Variants in ELMO2 observed in about 807,000 individuals in gnomAD.
The protein encoded by ELMO2 is engulfment and cell motility 2, also known as engulfment and cell motility protein 2.
Under a neutral mutation model 96.2 loss-of-function variants are expected in ELMO2, and 37 were observed. The ratio of observed to expected loss-of-function variants is 0.38; its 90% CI spans 0.30 to 0.51. ELMO2 has a LOEUF of 0.51. ELMO2 is among the 20% of genes least tolerant of loss of function. The pLI is 0.88. For synonymous variants in ELMO2, 315 were observed against 329.4 expected (o/e 0.96, Z 0.47); for missense variants, 561 against 912.6 (o/e 0.61, Z 4.96).
At chr20:46,393,504 T>C (rs748505494) in intron 5 of ELMO2, 25 bp downstream of exon 5, 10 of 1,610,400 alleles carry the variant, frequency 6.2e-6, no homozygotes, top group Non-Finnish European at 8.5e-6. Context: ...AGGCCCATAT[T>C]GATTTTGCCT....
intron 11 of ELMO2, chr20:46,376,628 A>G: frequency 1.6e-6 from 2 of 1,289,104 alleles, no homozygotes; most frequent in Non-Finnish European, 2.0e-6. Flanking sequence ...GTCTCTCACC[A>G]TCCTGTCCTC....
rs752942852 is a variant in ELMO2 at position 46,383,461 on chromosome 20, T to A, written c.711A>T (p.Ala237=). The A allele has an allele frequency of 3.1e-6, 5 of 1,614,108 alleles. No homozygotes were observed. Among genetic ancestry groups the A allele is most frequent in the Non-Finnish European group, 4.2e-6 (5 of 1,179,998 alleles). Residue 237 remains alanine, a synonymous_variant, in exon 10 of 22, where the codon GCA becomes GCT. Transcript: ENST00000290246. The part of the protein sequence containing the change: ...SNQEIQTYAI[A]LINALFLKAP... ...CCTTCAGAAAAAGTGCATTAATCAG[T>A]GCAATGGCGTAGGTCTGAATCTCCT...
intron 11 of ELMO2, among the ~76,000 whole-genome samples, chr20:46,378,266 T>C (rs911216345): frequency 6.6e-6 from 1 of 152,146 alleles, no homozygotes; most frequent in Admixed American, 6.5e-5. Context: ...CTTGACTCAG[T>C]GAAATCCCTG....
chr20:46,372,978 A>G (rs1027401486), intron 16 of ELMO2: 2 of 160,304 alleles, frequency 1.2e-5, no homozygotes, highest in African/African-American at 4.8e-5. Flanking sequence ...GAGGACTGAA[A>G]GCACCGAGGG....
chr20:46,405,067 T>C (rs1211676920), intron 1 of ELMO2, among the ~76,000 whole-genome samples: 1 of 152,212 alleles, frequency 6.6e-6, no homozygotes, highest in Non-Finnish European at 1.5e-5. Flanking sequence ...AATATTTATA[T>C]TGCCTGGCCC....
chr20:46,404,788 A>C (rs978092132), intron 1 of ELMO2, among the ~76,000 whole-genome samples: 1 of 152,258 alleles, frequency 6.6e-6, no homozygotes, highest in Non-Finnish European at 1.5e-5. Flanking sequence ...ATGTTATAAT[A>C]ATATAATTTT....
chr20:46,371,137 C>G lies in ELMO2; in HGVS notation c.1801+215G>C, dbSNP rs1207913111. ...CGACTTAGTCATGTACCACCCTTTA[C>G]AGTCTACACAATACATTCACACCTG... On this transcript the variant is annotated intron_variant, in intron 19 of 21. Transcript: ENST00000290246. The surrounding 1 kb of genome is among the most constrained non-coding windows in gnomAD (Gnocchi z 5.9). 6.6e-6 allele frequency among the ~76,000 whole-genome samples: 1 copy of G among 152,196 alleles called. No individual in the cohort carries two copies. The highest frequency in any genetic ancestry group is 1.5e-5 in the Non-Finnish European group (1 of 68,034).
Position 46,374,334 on chromosome 20 carries a change from A to T in ELMO2, c.1277T>A (p.Leu426Gln). ...AAGAGGGAGCTGCAGAGACTTACGTAGTTCCCCAACCTGCAGGATTTCACA... is the reference window on the plus strand; with the variant it reads ...AAGAGGGAGCTGCAGAGACTTACGTTGTTCCCCAACCTGCAGGATTTCACA... ...MLCEILQVGE[L>Q]PNEGRNDYHP... Residue 426 changes from leucine to glutamine, a missense_variant and splice_region_variant, in exon 15 of 22, where the codon CTA becomes CAA. By Grantham distance (113) the Leu-to-Gln change is moderately radical. Coordinates refer to ENST00000290246, the MANE Select transcript of ELMO2 (RefSeq NM_133171.5). The T allele has an allele frequency of 6.2e-7, 1 of 1,613,158 alleles. No homozygotes were observed. Among genetic ancestry groups the T allele is most frequent in the Non-Finnish European group, 8.5e-7 (1 of 1,179,148 alleles).
chr20:46,375,749 G>C lies in ELMO2; in HGVS notation c.849C>G (p.Ala283=), dbSNP rs1239659002. 6.2e-7 allele frequency: 1 copy of C among 1,614,060 alleles called. No homozygotes were observed. The highest frequency in any genetic ancestry group is 8.5e-7 in the Non-Finnish European group (1 of 1,180,020). The change falls in exon 12 of 22, where the codon GCC becomes GCG. Residue 283 remains alanine, a synonymous_variant. Transcript: ENST00000290246. The surrounding 1 kb of genome is among the most constrained non-coding windows in gnomAD (Gnocchi z 4.6). ...GGACTTGAAGGACATATAGCTGATGGGCCATCTCAGTTTTGATGGGGCGGT... is the reference window on the plus strand; with the variant it reads ...GGACTTGAAGGACATATAGCTGATGCGCCATCTCAGTTTTGATGGGGCGGT... ...RGNRPIKTEM[A]HQLYVLQVLT...
At chr20:46,380,362 A>G in intron 10 of ELMO2, 59 bp from the exon 11 acceptor site, 2 of 1,371,832 alleles carry the variant, frequency 1.5e-6, no homozygotes, top group Admixed American at 1.9e-5. Flanking sequence ...TGTGACTACT[A>G]TCGAGAGGAA....
At chr20:46,397,695 A>G (rs1176845870) in intron 2 of ELMO2, among the ~76,000 whole-genome samples, 1 of 152,126 alleles carries the variant, frequency 6.6e-6, no homozygotes. Context: ...ATACATACAT[A>G]CAAACAAATA....
intron 2 of ELMO2, among the ~76,000 whole-genome samples, chr20:46,396,981 C>T (rs1030268319): frequency 6.6e-6 from 1 of 152,166 alleles, no homozygotes; most frequent in African/African-American, 2.4e-5. Context: ...TCCTTAATTT[C>T]GATGGTGCTG....
rs1181943101 is a variant in ELMO2 at position 46,367,542 on chromosome 20, C to T, written c.1981G>A (p.Gly661Ser). Residue 661 changes from glycine to serine, a missense_variant, in exon 22 of 22, where the codon GGC (glycine) becomes AGC (serine). Coordinates refer to ENST00000290246, the MANE Select transcript of ELMO2 (RefSeq NM_133171.5). Reference protein sequence around the residue: ...NKYEYCIWIDGLSALLGKDMS... With the variant: ...NKYEYCIWIDSLSALLGKDMS... ...TCCTTCCCCAGAAGGGCACTGAGGCCATCAATCCAGATGCAGTACTGTGGG... is the reference window on the plus strand; with the variant it reads ...TCCTTCCCCAGAAGGGCACTGAGGCTATCAATCCAGATGCAGTACTGTGGG... The T allele has an allele frequency of 3.7e-6, 6 of 1,612,590 alleles. No individual in the cohort carries two copies. The highest frequency in any genetic ancestry group is 5.1e-6 in the Non-Finnish European group (6 of 1,179,394).
At position 46,389,192 on chromosome 20, in the gene ELMO2, C is replaced by G. The variant is rs1372825753; in HGVS notation, c.272G>C (p.Arg91Thr). ...PSRAARQLMERTQSSNMETRL... is the reference protein window; with the variant it reads ...PSRAARQLMETTQSSNMETRL... ...GGTCTCCATGTTGGATGACTGGGTC[C>G]TCTCCATCAGCTGGCGTGCAGCCCG... Residue 91 changes from arginine (R) to threonine (T), a missense_variant, in exon 7 of 22, where the codon AGG becomes ACG. Transcript: ENST00000290246. 1.9e-6 allele frequency: 3 copies of G among 1,613,994 alleles called. No homozygotes were observed. Among genetic ancestry groups the G allele is most frequent in the South Asian group, 2.2e-5 (2 of 91,078 alleles).
At chr20:46,370,618 C>T in intron 19 of ELMO2, 93 bp from the exon 20 acceptor site, 1 of 1,190,588 alleles carries the variant, frequency 8.4e-7, no homozygotes, top group Non-Finnish European at 1.2e-6. Flanking sequence ...GGGGCAGATG[C>T]ATAGGAAGCC....
chr20:46,394,120 G>A, intron 3 of ELMO2, 31 bp from the exon 4 acceptor site: 1 of 1,581,024 alleles, frequency 6.3e-7, no homozygotes, highest in African/African-American at 1.3e-5. Flanking sequence ...GCCTTCAACA[G>A]CAGCAACATC....
intron 9 of ELMO2, among the ~76,000 whole-genome samples, chr20:46,385,300 G>A (rs1272888237): frequency 3.3e-5 from 5 of 152,170 alleles, no homozygotes; most frequent in Non-Finnish European, 7.3e-5. Flanking sequence ...CAGCGGAGAC[G>A]GGAGAAACAT....
intron 16 of ELMO2, 31 bp downstream of exon 16, chr20:46,373,368 G>T (rs367851666): frequency 6.2e-7 from 1 of 1,612,428 alleles, no homozygotes; most frequent in African/African-American, 1.3e-5. Context: ...GTCTCCTCCC[G>T]TGGGCCTCAG....
At position 46,371,819 on chromosome 20, in the gene ELMO2, A is replaced by C. The variant is rs1600822482; in HGVS notation, c.1567T>G (p.Ser523Ala). Residue 523 changes from serine to alanine, a missense_variant, in exon 17 of 22, where the codon TCC (serine) becomes GCC (alanine). Coordinates refer to ENST00000290246, the MANE Select transcript of ELMO2 (RefSeq NM_133171.5). The surrounding 1 kb of genome is among the most constrained non-coding windows in gnomAD (Gnocchi z 5.9). The stretch of plus-strand genomic sequence containing the variant: ...GATGGAACTTACACAATTGGCGGGG[A>C]CTGGAAGTCATCCTGACTCATCCTC... ...SERMSQDDFQ[S>A]PPIVELREKI... is the part of the protein sequence containing the mutation. 1 of 1,614,116 alleles carries C rather than the reference A, an allele frequency of 6.2e-7. No individual in the cohort carries two copies. Among genetic ancestry groups the C allele is most frequent in the East Asian group, 2.2e-5 (1 of 44,876 alleles).
Sources: gnomAD v4.1 joint callset for allele counts (sites outside exome capture counted in the v4.1 genomes callset) on GRCh38, gnomAD v4.1.1 for gene constraint, Gnocchi (gnomAD v3.1) non-coding constraint, MANE v1.5 for transcripts, NCBI Gene and HGNC (gene_info 2026-07-23, HGNC 2026-07-21) for gene names.